Variants in LSAMP observed in about 807,000 individuals in gnomAD.
LSAMP encodes limbic system-associated membrane protein.
In LSAMP, 7 loss-of-function variants were observed where a neutral mutation model predicts 38.6. The observed-to-expected ratio is 0.18, with a 90% confidence interval of 0.10 to 0.34. LSAMP has a LOEUF of 0.34. LSAMP is among the 10% of genes least tolerant of loss of function. The pLI is 1.00. For synonymous variants in LSAMP, 154 were observed against 166.8 expected (o/e 0.92, Z 0.59); for missense variants, 313 against 420.0 (o/e 0.75, Z 2.23).
At chr3:115,818,790 T>TTATATACATA (rs1467152356) in intron 6 of LSAMP, among the ~76,000 whole-genome samples, 5 of 69,788 alleles carry the variant, frequency 7.2e-5, no homozygotes, top group African/African-American at 1.7e-4. Context: ...AGTTGTACTT[T>TTATATACATA]TATATATATA....
chr3:115,950,501 A>T (rs575787504), intron 3 of LSAMP, among the ~76,000 whole-genome samples: 1 of 152,316 alleles, frequency 6.6e-6, no homozygotes, highest in Non-Finnish European at 1.5e-5. Context: ...AAGCTGCAAA[A>T]AAATAAATAA....
rs879889281 is a variant in LSAMP at position 116,206,384 on chromosome 3, T to G, written c.156-119828A>C. On this transcript the variant is annotated intron_variant, in intron 1 of 6. Coordinates refer to ENST00000490035, the MANE Select transcript of LSAMP (RefSeq NM_002338.5). ...TGGATTCATTAATTTTTTGAAGGGT[T>G]TTTTTGGTCTCTATTTCCTTCAGTT... is the stretch of plus-strand genomic sequence containing the variant. Among the ~76,000 whole-genome samples, 312 of 151,466 alleles carry G rather than the reference T, an allele frequency of 2.1e-3. 4 individuals are homozygous for G. Among genetic ancestry groups the G allele is most frequent in the Middle Eastern group, 3.4e-3 (1 of 294 alleles).
intron 2 of LSAMP, among the ~76,000 whole-genome samples, chr3:116,061,828 AT>A (rs1301529794): frequency 6.6e-6 from 1 of 152,244 alleles, no homozygotes; most frequent in Non-Finnish European, 1.5e-5. Flanking sequence ...TTAAACAAAC[AT>A]TCGTTGAATG....
chr3:116,071,803 T>C lies in LSAMP; in HGVS notation c.388+14521A>G, dbSNP rs138979396. ...TGTGTTGTTCCCCCTCAAGTGTCCA[T>C]ATGTTTTCATCATTCAGCTCCCACT... On this transcript the variant is annotated intron_variant, in intron 2 of 6. Coordinates refer to ENST00000490035, the MANE Select transcript of LSAMP (RefSeq NM_002338.5). Among the ~76,000 whole-genome samples the C allele has an allele frequency of 1.9e-3, 293 of 152,222 alleles. 2 individuals are homozygous for C. Among genetic ancestry groups the C allele is most frequent in the African/African-American group, 6.7e-3 (280 of 41,536 alleles).
intron 1 of LSAMP, among the ~76,000 whole-genome samples, chr3:116,383,631 C>G (rs1433310831): frequency 6.6e-6 from 1 of 151,760 alleles, no homozygotes; most frequent in Non-Finnish European, 1.5e-5. Flanking sequence ...AAACATGGAG[C>G]TTGAAAAACA....
chr3:116,078,296 T>C (rs188386425), intron 2 of LSAMP, among the ~76,000 whole-genome samples: 20 of 151,008 alleles, frequency 1.3e-4, no homozygotes, highest in African/African-American at 4.8e-4. Flanking sequence ...TTTATTTATT[T>C]ATTTATTTTA....
Position 116,287,450 on chromosome 3 carries a change from G to A in LSAMP, c.155+157427C>T, listed in dbSNP as rs116752051. On this transcript the variant is annotated intron_variant, in intron 1 of 6. Coordinates refer to ENST00000490035, the MANE Select transcript of LSAMP (RefSeq NM_002338.5). ...AGGCTCTCATACAGTAATGATGAGC[G>A]TTTGTGCATTCGGAAGAGCAGCTGC... 4.1e-3 allele frequency among the ~76,000 whole-genome samples: 626 copies of A among 152,254 alleles called. 2 individuals are homozygous for A. The highest frequency in any genetic ancestry group is 5.3e-3 in the Non-Finnish European group (360 of 68,012).
At chr3:116,176,688 T>C (rs1710352163) in intron 1 of LSAMP, among the ~76,000 whole-genome samples, 1 of 152,170 alleles carries the variant, frequency 6.6e-6, no homozygotes, top group South Asian at 2.1e-4. Flanking sequence ...ATATCTAATA[T>C]CTGGCACATG....
chr3:115,920,876 T>A (rs1937366061), intron 3 of LSAMP, among the ~76,000 whole-genome samples: 1 of 151,282 alleles, frequency 6.6e-6, no homozygotes, highest in South Asian at 2.1e-4. Flanking sequence ...GGTTCTCTGA[T>A]GTTGGGTGCA....
At chr3:116,336,564 C>A (rs2047922078) in intron 1 of LSAMP, among the ~76,000 whole-genome samples, 2 of 151,858 alleles carry the variant, frequency 1.3e-5, no homozygotes, top group Non-Finnish European at 2.9e-5. Flanking sequence ...CCTCTCACAC[C>A]CATTGTTGAC....
At chr3:116,274,197 T>C (rs1361750048) in intron 1 of LSAMP, among the ~76,000 whole-genome samples, 1 of 152,178 alleles carries the variant, frequency 6.6e-6, no homozygotes, top group Non-Finnish European at 1.5e-5. Flanking sequence ...TGTGCTAGAA[T>C]TTGGCAAACA....
intron 3 of LSAMP, among the ~76,000 whole-genome samples, chr3:115,896,067 T>G (rs776522881): frequency 2.0e-5 from 3 of 152,108 alleles, no homozygotes; most frequent in Non-Finnish European, 2.9e-5. Flanking sequence ...GAGCTTTAAG[T>G]TTTTGCATCT....
chr3:116,369,035 G>T (rs542791719), intron 1 of LSAMP, among the ~76,000 whole-genome samples: 21 of 151,778 alleles, frequency 1.4e-4, no homozygotes, highest in African/African-American at 5.1e-4. Flanking sequence ...GACAATTCGA[G>T]AACAAAGCTT....
At chr3:116,116,631 C>T (rs145387621) in intron 1 of LSAMP, among the ~76,000 whole-genome samples, 1,703 of 151,564 alleles carry the variant, frequency 0.011, 22 homozygotes, top group African/African-American at 0.033. Context: ...GCAGGAGAAA[C>T]GCTTGCACCT....
At chr3:116,275,654 G>A (rs13073491) in intron 1 of LSAMP, among the ~76,000 whole-genome samples, 5 of 151,786 alleles carry the variant, frequency 3.3e-5, no homozygotes, top group African/African-American at 9.7e-5. Flanking sequence ...CTTCCCAGAC[G>A]TTTGCAGGCG....
chr3:116,349,467 A>AC (rs750224716), intron 1 of LSAMP, among the ~76,000 whole-genome samples: 58 of 146,308 alleles, frequency 4.0e-4, no homozygotes, highest in Middle Eastern at 3.4e-3. Context: ...CAGAATAATG[A>AC]CCCCCCCCAA....
chr3:116,287,209 G>C (rs1289146762), intron 1 of LSAMP, among the ~76,000 whole-genome samples: 1 of 152,104 alleles, frequency 6.6e-6, no homozygotes, highest in Non-Finnish European at 1.5e-5. Flanking sequence ...GTCACATGCA[G>C]AGAGAGTCAT....
chr3:116,351,620 A>G (rs1248616000), intron 1 of LSAMP, among the ~76,000 whole-genome samples: 1 of 152,036 alleles, frequency 6.6e-6, no homozygotes, highest in Admixed American at 6.6e-5. Flanking sequence ...TTATAAGAAT[A>G]CTCCACTGGA....
chr3:116,059,518 G>T (rs9289040), intron 2 of LSAMP, among the ~76,000 whole-genome samples: 70,224 of 151,778 alleles, frequency 0.46, 17,461 homozygotes, highest in African/African-American at 0.65. Context: ...TCCTTTTTCT[G>T]CCAACATTTT....
Sources: gnomAD v4.1 joint callset for allele counts (sites outside exome capture counted in the v4.1 genomes callset) on GRCh38, gnomAD v4.1.1 for gene constraint, MANE v1.5 for transcripts, NCBI Gene and HGNC (gene_info 2026-07-23, HGNC 2026-07-21) for gene names.